The following TMPRSS9 variants were observed in gnomAD, a reference collection of about 807,000 sequenced individuals.
TMPRSS9 encodes transmembrane protease serine 9.
Under a neutral mutation model 111.4 loss-of-function variants are expected in TMPRSS9, and 113 were observed. The ratio of observed to expected loss-of-function variants is 1.01; its 90% CI spans 0.87 to 1.19. TMPRSS9 has a LOEUF of 1.19. Among genes scored for constraint, TMPRSS9 ranks in the 50% most tolerant of loss-of-function variants. The pLI is 0.00. For missense variants in TMPRSS9, 1,803 were observed against 1,513.1 expected (o/e 1.19, Z -3.18); for synonymous variants, 805 against 659.1 (o/e 1.22, Z -3.39).
chr19:2,401,228 C>G (rs562977737), intron 4 of TMPRSS9, among the ~76,000 whole-genome samples: 8 of 151,952 alleles, frequency 5.3e-5, no homozygotes, highest in Non-Finnish European at 1.2e-4. Context: ...GAGCCGAGAT[C>G]GCGCCACTGC....
At chr19:2,402,551 C>T (rs1033787252) in intron 5 of TMPRSS9, among the ~76,000 whole-genome samples, 1 of 151,916 alleles carries the variant, frequency 6.6e-6, no homozygotes, top group African/African-American at 2.4e-5. Context: ...ACCAGCCTGA[C>T]CAACATGGAG....
intron 1 of TMPRSS9, among the ~76,000 whole-genome samples, chr19:2,370,986 A>AT (rs1970285266): frequency 6.6e-6 from 1 of 152,102 alleles, no homozygotes; most frequent in African/African-American, 2.4e-5. Context: ...GCATGACAAT[A>AT]TTATGTATCT....
chr19:2,376,315 A>T (rs1970333899), intron 1 of TMPRSS9, among the ~76,000 whole-genome samples: 1 of 152,016 alleles, frequency 6.6e-6, no homozygotes, highest in South Asian at 2.1e-4. Context: ...CATCAGGATT[A>T]TCTCCCATCT....
chr19:2,378,579 A>G (rs1970356763), intron 1 of TMPRSS9, among the ~76,000 whole-genome samples: 3 of 152,248 alleles, frequency 2.0e-5, no homozygotes, highest in Middle Eastern at 3.4e-3. Context: ...TTAGCCAGGC[A>G]TGGTGGTGCA....
At chr19:2,365,542 A>C (rs771914524) in intron 1 of TMPRSS9, among the ~76,000 whole-genome samples, 4 of 152,026 alleles carry the variant, frequency 2.6e-5, no homozygotes, top group African/African-American at 9.7e-5. Context: ...GGGACCAAAG[A>C]TGCGGAATCG....
In TMPRSS9 at chr19:2,413,051, C is replaced by T. The variant is rs375145259; in HGVS notation, c.1255-649C>T. ...TCTACTAAAAATACAAGAAATTAGCCGGGCGTGGTGATGCGTGCCTATAAT... is the reference window on the plus strand; with the variant it reads ...TCTACTAAAAATACAAGAAATTAGCTGGGCGTGGTGATGCGTGCCTATAAT... On this transcript the variant is annotated intron_variant, in intron 9 of 17. Coordinates refer to ENST00000648592, the Ensembl canonical transcript of TMPRSS9. Among the ~76,000 whole-genome samples, 36 of 152,042 alleles carry T rather than the reference C, an allele frequency of 2.4e-4. No individual in the cohort carries two copies. In the East Asian group the frequency reaches 6.0e-3, roughly 25 times the overall value.
At chr19:2,379,615 C>CTCTTTCTTCCTTTCTTTCTT (rs1555676513) in intron 1 of TMPRSS9, among the ~76,000 whole-genome samples, 63 of 118,618 alleles carry the variant, frequency 5.3e-4, no homozygotes, top group African/African-American at 1.8e-3. Context: ...AACTTTCTTT[C>CTCTTTCTTCCTTTCTTTCTT]TCTTTCTTTC....
At chr19:2,386,321 T>C (rs539050827), upstream of TMPRSS9, among the ~76,000 whole-genome samples, 4 of 151,540 alleles carry the variant, frequency 2.6e-5, no homozygotes, top group South Asian at 4.2e-4. Context: ...CTGGCTAACA[T>C]GGTGAAACCC....
At chr19:2,399,394 G>A (rs1280994140) in intron 4 of TMPRSS9, among the ~76,000 whole-genome samples, 2 of 152,126 alleles carry the variant, frequency 1.3e-5, no homozygotes, top group Non-Finnish European at 2.9e-5. Context: ...GACCAGCCTG[G>A]CCAACACCCC....
intron 1 of TMPRSS9, among the ~76,000 whole-genome samples, chr19:2,392,374 C>T (rs994924626): frequency 1.3e-5 from 2 of 150,838 alleles, no homozygotes; most frequent in Non-Finnish European, 2.9e-5. Context: ...GCTTGGGAGA[C>T]AGAGTGACAC....
chr19:2,381,206 C>T (rs1030097370), intron 1 of TMPRSS9, among the ~76,000 whole-genome samples: 4 of 151,986 alleles, frequency 2.6e-5, no homozygotes, highest in African/African-American at 9.7e-5. Context: ...AAATGAATGG[C>T]GCTTCTATGT....
chr19:2,418,013 G>A (rs768390345), exon 13 of TMPRSS9: 29 of 1,611,380 alleles, frequency 1.8e-5, no homozygotes, highest in Middle Eastern at 3.3e-4. Context: ...CACCAAGCCC[G>A]AGCTCCTGCA....
chr19:2,424,244 C>T, exon 15 of TMPRSS9: 1 of 1,400,664 alleles, frequency 7.1e-7, no homozygotes, highest in South Asian at 1.7e-5. Flanking sequence ...GTCGGCGGCG[C>T]ACTGCTTCGA....
At chr19:2,410,220 G>A (rs771779043) in intron 8 of TMPRSS9, 38 bp from the exon 10 acceptor site, 58 of 1,608,336 alleles carry the variant, frequency 3.6e-5, no homozygotes, top group Non-Finnish European at 4.6e-5. Flanking sequence ...CCAGGGCTCC[G>A]GCACTCTCAC....
exon 18 of TMPRSS9, chr19:2,426,169 C>T: frequency 1.7e-6 from 2 of 1,166,248 alleles, no homozygotes; most frequent in South Asian, 1.6e-5. Flanking sequence ...CCCCACCGTA[C>T]CCTACCCAAG....
chr19:2,401,922 A>C, intron 4 of TMPRSS9, 53 bp from the exon 6 acceptor site: 1 of 1,572,488 alleles, frequency 6.4e-7, no homozygotes, highest in East Asian at 2.4e-5. Context: ...GGATGTGTTC[A>C]AAGGGTTTTA....
chr19:2,401,086 A>G lies in TMPRSS9; in HGVS notation c.515-889A>G, dbSNP rs192584275. Among the ~76,000 whole-genome samples the G allele has an allele frequency of 4.8e-4, 73 of 150,680 alleles. 1 individual carries two copies. In the East Asian group the frequency reaches 7.8e-3, roughly 16 times the overall value. On this transcript the variant is annotated intron_variant, in intron 4 of 17. Coordinates refer to ENST00000648592, the Ensembl canonical transcript of TMPRSS9. ...TCAGGAGATCGAGACCATCCTGGCT[A>G]ACACGGTGAAACCCCGTCTCTACTA...
At chr19:2,364,961 G>A (rs575190895) in intron 1 of TMPRSS9, among the ~76,000 whole-genome samples, 178 of 149,342 alleles carry the variant, frequency 1.2e-3, no homozygotes, top group Non-Finnish European at 1.9e-3. Flanking sequence ...CCTGGGCGAC[G>A]GAGCGAGACT....
At chr19:2,407,728 C>G (rs1451475554) in intron 7 of TMPRSS9, among the ~76,000 whole-genome samples, 1 of 149,506 alleles carries the variant, frequency 6.7e-6, no homozygotes, top group African/African-American at 2.5e-5. Context: ...GGCAATCCTC[C>G]TACCTCAGCC....
Sources: gnomAD v4.1 joint callset for allele counts (sites outside exome capture counted in the v4.1 genomes callset) on GRCh38, gnomAD v4.1.1 for gene constraint, MANE v1.5 for transcripts, NCBI Gene and HGNC (gene_info 2026-07-23, HGNC 2026-07-21) for gene names.